ZNF385D: variants seen among roughly 807,000 people sequenced by gnomAD.
ZNF385D encodes the protein zinc finger protein 659.
A neutral mutation model predicts 35.8 loss-of-function variants in ZNF385D; 15 were observed. That is an observed-to-expected ratio of 0.42 (90% CI 0.28 to 0.64). The LOEUF is 0.64. Among genes scored for constraint, ZNF385D ranks in the 30% least tolerant of loss-of-function variants. ZNF385D has a pLI of 0.23. For synonymous variants in ZNF385D, 212 were observed against 186.8 expected, an observed-to-expected ratio of 1.13 and a Z score of -1.10; for missense variants, 474 against 494.6, an observed-to-expected ratio of 0.96 and a Z score of 0.39.
At chr3:22,167,646 C>T (rs1706422926) in intron 3 of ZNF385D, among the ~76,000 whole-genome samples, 1 of 152,144 alleles carries the variant, frequency 6.6e-6, no homozygotes, top group Non-Finnish European at 1.5e-5. Flanking sequence ...GAGCCAGCCC[C>T]AAAGCCGTGG....
At chr3:21,455,534 T>C (rs1330284354) in intron 4 of ZNF385D, among the ~76,000 whole-genome samples, 1 of 152,212 alleles carries the variant, frequency 6.6e-6, no homozygotes. Context: ...GCTAGCCATA[T>C]GTAGAAAGCT....
rs146513913 is a variant in ZNF385D at position 22,238,943 on chromosome 3, T to C, written c.107-69908A>G. Reference sequence around the variant, plus strand: ...GGTCTTGCCATGTTGTACAGGCTGATCACAAACTCGTAGGCTCAAGTCACT... The same window carrying C: ...GGTCTTGCCATGTTGTACAGGCTGACCACAAACTCGTAGGCTCAAGTCACT... On this transcript the variant is annotated intron_variant, in intron 2 of 5. Transcript: ENST00000494108. 6.0e-4 allele frequency among the ~76,000 whole-genome samples: 90 copies of C among 150,192 alleles called. 5 individuals are homozygous for C. The highest frequency in any genetic ancestry group is 2.2e-3 in the African/African-American group (88 of 40,470).
intron 4 of ZNF385D, among the ~76,000 whole-genome samples, chr3:21,450,256 C>G (rs1702377610): frequency 6.6e-6 from 1 of 152,088 alleles, no homozygotes; most frequent in South Asian, 2.1e-4. Context: ...TGCTCTTGGA[C>G]CACACATTAG....
At chr3:21,615,362 C>T (rs911224206) in intron 2 of ZNF385D, among the ~76,000 whole-genome samples, 1 of 152,146 alleles carries the variant, frequency 6.6e-6, no homozygotes, top group Non-Finnish European at 1.5e-5. Flanking sequence ...TTGTGTACAG[C>T]CTGCAGAACT....
intron 2 of ZNF385D, among the ~76,000 whole-genome samples, chr3:21,583,350 A>G (rs1244826110): frequency 4.6e-5 from 7 of 152,172 alleles, no homozygotes; most frequent in African/African-American, 1.7e-4. Context: ...ATGCACTTCA[A>G]GACTTCCATA....
intron 3 of ZNF385D, among the ~76,000 whole-genome samples, chr3:21,824,858 A>T (rs1694499767): frequency 6.6e-6 from 1 of 152,322 alleles, no homozygotes; most frequent in African/African-American, 2.4e-5. Context: ...CCATAGGGAA[A>T]TGGTGGAGAA....
intron 3 of ZNF385D, among the ~76,000 whole-genome samples, chr3:22,034,289 C>G (rs1698185466): frequency 1.3e-5 from 2 of 152,138 alleles, no homozygotes; most frequent in Non-Finnish European, 2.9e-5. Context: ...TGCTCCCAGT[C>G]ATATGAAGAC....
At chr3:21,693,752 C>T (rs1189204372) in intron 1 of ZNF385D, among the ~76,000 whole-genome samples, 1 of 151,576 alleles carries the variant, frequency 6.6e-6, no homozygotes, top group Non-Finnish European at 1.5e-5. Context: ...AAATCAAAAG[C>T]CAATAAATGT....
At chr3:22,027,115 C>T (rs375976507) in intron 3 of ZNF385D, among the ~76,000 whole-genome samples, 9 of 152,192 alleles carry the variant, frequency 5.9e-5, no homozygotes, top group Admixed American at 4.6e-4. Flanking sequence ...CCTTTACTGT[C>T]CTACCTCAGG....
chr3:22,139,804 A>G (rs1328318342), intron 3 of ZNF385D, among the ~76,000 whole-genome samples: 2 of 152,170 alleles, frequency 1.3e-5, no homozygotes, highest in Non-Finnish European at 2.9e-5. Flanking sequence ...TAGAGATATA[A>G]GTTGTCAAGC....
intron 3 of ZNF385D, among the ~76,000 whole-genome samples, chr3:21,985,378 G>A (rs1433352640): frequency 8.8e-6 from 1 of 114,194 alleles, no homozygotes; most frequent in Non-Finnish European, 1.8e-5. Flanking sequence ...TAGCATGAAG[G>A]GTTGTTGAAT....
intron 3 of ZNF385D, among the ~76,000 whole-genome samples, chr3:21,997,061 G>T (rs999092252): frequency 1.3e-5 from 2 of 151,928 alleles, no homozygotes; most frequent in African/African-American, 4.8e-5. Flanking sequence ...AAAAAAAACT[G>T]TGATTTTTTT....
At chr3:21,792,533 T>C (rs2071972555) in intron 3 of ZNF385D, among the ~76,000 whole-genome samples, 1 of 152,214 alleles carries the variant, frequency 6.6e-6, no homozygotes, top group Admixed American at 6.5e-5. Context: ...AAATAGTTAG[T>C]AGCTGGCTCT....
chr3:22,292,262 A>G (rs561265343), intron 2 of ZNF385D, among the ~76,000 whole-genome samples: 2 of 152,068 alleles, frequency 1.3e-5, no homozygotes, highest in East Asian at 1.9e-4. Context: ...CCTAACATAC[A>G]TGTAAAATGT....
At chr3:21,859,080 C>G (rs1043235343) in intron 3 of ZNF385D, among the ~76,000 whole-genome samples, 1 of 151,980 alleles carries the variant, frequency 6.6e-6, no homozygotes, top group Non-Finnish European at 1.5e-5. Context: ...GCTTTCATAT[C>G]TGAGGTTTGA....
Position 21,474,282 on chromosome 3 carries a change from G to A in ZNF385D, c.439+36579C>T, listed in dbSNP as rs564405521. ...AAGTTTCCCCAGACTACAGGATTGA[G>A]GTAAACTATACAACTATACACCTTG... is the stretch of plus-strand genomic sequence containing the variant. On this transcript the variant is annotated intron_variant, in intron 4 of 7. Transcript: ENST00000281523. 2.3e-4 allele frequency among the ~76,000 whole-genome samples: 35 copies of A among 152,100 alleles called. No individual in the cohort carries two copies. In the Middle Eastern group the frequency reaches 0.014, roughly 59 times the overall value.
chr3:22,010,218 A>C (rs1408208097), intron 3 of ZNF385D, among the ~76,000 whole-genome samples: 1 of 152,232 alleles, frequency 6.6e-6, no homozygotes, highest in Non-Finnish European at 1.5e-5. Context: ...TGAGCATGAA[A>C]GGCAGAAGCA....
chr3:21,525,256 A>T (rs1160919492), intron 3 of ZNF385D, among the ~76,000 whole-genome samples: 4 of 152,240 alleles, frequency 2.6e-5, no homozygotes, highest in Admixed American at 6.5e-5. Flanking sequence ...TCAGTTTTTA[A>T]ATTGACCTCT....
At chr3:21,978,238 C>G (rs1703760698) in intron 3 of ZNF385D, 1 of 152,186 alleles carries the variant, frequency 6.6e-6, no homozygotes, top group South Asian at 2.1e-4. Context: ...AGAGCAGTGT[C>G]TGTTTCTTAC....
Sources: gnomAD v4.1 joint callset for allele counts (sites outside exome capture counted in the v4.1 genomes callset) on GRCh38, gnomAD v4.1.1 for gene constraint, MANE v1.5 for transcripts, NCBI Gene and HGNC (gene_info 2026-07-23, HGNC 2026-07-21) for gene names.